SLC44A5: variants seen among roughly 807,000 people sequenced by gnomAD.
The protein encoded by SLC44A5 is choline transporter-like protein 5.
A neutral mutation model predicts 101.8 loss-of-function variants in SLC44A5; 57 were observed. That is an observed-to-expected ratio of 0.56 (90% CI 0.45 to 0.70). SLC44A5 has a LOEUF of 0.70. SLC44A5 is among the 30% of genes least tolerant of loss of function. The pLI, the probability that SLC44A5 is intolerant of heterozygous loss-of-function variation, is 0.00. For missense variants in SLC44A5, 737 were observed against 853.1 expected (o/e 0.86, Z 1.70); for synonymous variants, 281 against 290.9 (o/e 0.97, Z 0.35).
the SLC44A5 span, among the ~76,000 whole-genome samples, chr1:75,639,748 G>C: frequency 2.0e-5 from 3 of 152,074 alleles, no homozygotes; most frequent in Non-Finnish European, 4.4e-5. Context: ...TCTCTGACAA[G>C]TTACAGGTAA....
intron 1 of SLC44A5, among the ~76,000 whole-genome samples, chr1:75,586,163 G>C (rs1576927): frequency 6.6e-6 from 1 of 151,952 alleles, no homozygotes; most frequent in Admixed American, 6.6e-5. Context: ...TCCTTTAGAG[G>C]CCTGAATAGA....
In SLC44A5 at chr1:75,396,580, T is replaced by C. The variant is rs1570132362; in HGVS notation, c.52+3A>G. 6.2e-7 allele frequency: 1 copy of C among 1,611,194 alleles called. No homozygotes were observed. The highest frequency in any genetic ancestry group is 2.2e-5 in the East Asian group (1 of 44,802). Reference sequence around the variant, plus strand: ...AGCACTTAATACTCAGACTATGACTTACCAAAGTCCTCTTCCTCAGAGGGA... The same window carrying C: ...AGCACTTAATACTCAGACTATGACTCACCAAAGTCCTCTTCCTCAGAGGGA... On this transcript the variant is annotated splice_donor_region_variant and intron_variant, in intron 3 of 23. Transcript: ENST00000370859.
chr1:75,668,713 G>T, the SLC44A5 span, among the ~76,000 whole-genome samples: 1 of 151,538 alleles, frequency 6.6e-6, no homozygotes, highest in Non-Finnish European at 1.5e-5. Flanking sequence ...CAGACCAATT[G>T]GCTGGGCACA....
In SLC44A5 at chr1:75,392,961, C is replaced by A. The variant is rs1249819; in HGVS notation, c.52+3622G>T. Among the ~76,000 whole-genome samples the A allele has an allele frequency of 2.0e-5, 3 of 151,882 alleles. No homozygotes were observed. In the South Asian group the frequency reaches 6.2e-4, roughly 31 times the overall value. On this transcript the variant is annotated intron_variant, in intron 3 of 23. Coordinates refer to ENST00000370859, the MANE Select transcript of SLC44A5 (RefSeq NM_001130058.2). The stretch of plus-strand genomic sequence containing the variant: ...GTGGGAGCTAAACATTGGGTACATA[C>A]AGACATAAACATGGGAACAATAGAC...
intron 4 of SLC44A5, among the ~76,000 whole-genome samples, chr1:75,332,497 A>G (rs1657129126): frequency 6.6e-6 from 1 of 152,200 alleles, no homozygotes. Context: ...TATACACAAA[A>G]GAGTATACTA....
intron 1 of SLC44A5, among the ~76,000 whole-genome samples, 184 bp from the exon 2 acceptor site, chr1:75,541,700 G>A (rs987037453): frequency 6.6e-6 from 1 of 152,106 alleles, no homozygotes; most frequent in Non-Finnish European, 1.5e-5. Flanking sequence ...TGGAGAAGCA[G>A]CCTTTCTCCT....
chr1:75,230,395 G>A (rs1043059762), intron 12 of SLC44A5, among the ~76,000 whole-genome samples: 3 of 151,798 alleles, frequency 2.0e-5, no homozygotes, highest in African/African-American at 7.3e-5. Context: ...CTACAGGTGT[G>A]TGCTACCATG....
At chr1:75,697,925 G>A in the SLC44A5 span, among the ~76,000 whole-genome samples, 1 of 152,176 alleles carries the variant, frequency 6.6e-6, no homozygotes, top group African/African-American at 2.4e-5. Context: ...ACTCCCAACC[G>A]AATACTGTGC....
intron 4 of SLC44A5, among the ~76,000 whole-genome samples, chr1:75,321,450 C>CAGAG (rs58617518): frequency 0.019 from 2,712 of 146,254 alleles, 49 homozygotes; most frequent in African/African-American, 0.046. Context: ...TGTTATATGG[C>CAGAG]AGAGAGAGAG....
At chr1:75,432,070 C>T (rs1664648470) in intron 2 of SLC44A5, among the ~76,000 whole-genome samples, 1 of 152,090 alleles carries the variant, frequency 6.6e-6, no homozygotes, top group East Asian at 1.9e-4. Context: ...GACTCCTCCC[C>T]CTTCATTTTT....
At chr1:75,634,454 C>T in the SLC44A5 span, among the ~76,000 whole-genome samples, 4 of 151,376 alleles carry the variant, frequency 2.6e-5, no homozygotes, top group African/African-American at 4.9e-5. Context: ...GGTACTGGTA[C>T]CAAAACAGAG....
At chr1:75,532,510 C>T (rs1670774255) in intron 2 of SLC44A5, among the ~76,000 whole-genome samples, 1 of 152,212 alleles carries the variant, frequency 6.6e-6, no homozygotes, top group Admixed American at 6.5e-5. Context: ...TCTTTGGCCA[C>T]TCTATCCAAA....
chr1:75,562,887 TGAAACAAC>T (rs1557910607), intron 1 of SLC44A5, among the ~76,000 whole-genome samples: 1 of 151,884 alleles, frequency 6.6e-6, no homozygotes, highest in Admixed American at 6.6e-5. Flanking sequence ...CCTCAATATG[TGAAACAAC>T]TCAAGAAACA....
intron 2 of SLC44A5, among the ~76,000 whole-genome samples, chr1:75,526,866 G>C (rs1005519517): frequency 6.6e-6 from 1 of 152,242 alleles, no homozygotes; most frequent in South Asian, 2.1e-4. Flanking sequence ...TGGGTGCGGT[G>C]GCTCACACCT....
intron 2 of SLC44A5, among the ~76,000 whole-genome samples, chr1:75,437,585 T>C (rs1412217926): frequency 6.6e-6 from 1 of 152,100 alleles, no homozygotes; most frequent in Non-Finnish European, 1.5e-5. Flanking sequence ...GTGGGAATTG[T>C]AGAATTTCAT....
At chr1:75,682,695 G>C in the SLC44A5 span, among the ~76,000 whole-genome samples, 9 of 151,258 alleles carry the variant, frequency 6.0e-5, no homozygotes, top group Non-Finnish European at 3.0e-5. Flanking sequence ...ATAGGCATGG[G>C]CAAGGACTTC....
chr1:75,586,544 T>C (rs990889192), intron 1 of SLC44A5, among the ~76,000 whole-genome samples: 2 of 151,938 alleles, frequency 1.3e-5, no homozygotes, highest in African/African-American at 4.8e-5. Flanking sequence ...AGTTTGATTT[T>C]TTTTTTTGTT....
chr1:75,371,209 T>G (rs1660200555), intron 3 of SLC44A5, among the ~76,000 whole-genome samples: 1 of 152,224 alleles, frequency 6.6e-6, no homozygotes, highest in Non-Finnish European at 1.5e-5. Flanking sequence ...GAATCAAAAT[T>G]TATTTTTAAT....
intron 2 of SLC44A5, among the ~76,000 whole-genome samples, chr1:75,447,475 A>G (rs1237822234): frequency 6.6e-6 from 1 of 152,178 alleles, no homozygotes; most frequent in Non-Finnish European, 1.5e-5. Context: ...ATATTTTAAA[A>G]TAATCTTTGA....
Sources: allele counts gnomAD v4.1 joint callset (sites outside exome capture counted in the v4.1 genomes callset), GRCh38; gene constraint gnomAD v4.1.1; transcripts MANE v1.5; gene names NCBI Gene and HGNC (gene_info 2026-07-23, HGNC 2026-07-21).